PREX2: variants seen among roughly 807,000 people sequenced by gnomAD.
The protein encoded by PREX2 is phosphatidylinositol-3,4,5-trisphosphate dependent Rac exchange factor 2.
In PREX2, 107 loss-of-function variants were observed where a neutral mutation model predicts 203.2. The observed-to-expected ratio is 0.53, with a 90% CI of 0.45 to 0.62. PREX2 has a LOEUF of 0.62. PREX2 is among the 20% of genes least tolerant of loss of function. The pLI, the probability that PREX2 is intolerant of heterozygous loss-of-function variation, is 0.00. For missense variants in PREX2, 1,777 were observed against 1,955.9 expected (o/e 0.91, Z 1.72); for synonymous variants, 672 against 663.6 (o/e 1.01, Z -0.19).
rs1413755435 is a variant in PREX2, at chr8:68,138,397, GT to G, written c.3985-13del. 1.5e-6 allele frequency: 2 copies of G among 1,353,764 alleles called. No homozygotes were observed. Among genetic ancestry groups the G allele is most frequent in the Admixed American group, 1.9e-5 (1 of 52,248 alleles). 83.9% of individuals were successfully genotyped at this position (1,353,764 alleles called of 1,614,324 possible). A position where few individuals can be genotyped will look rare whatever the true frequency, so the allele number is the denominator to read the frequency against. On this transcript the variant is annotated splice_polypyrimidine_tract_variant and intron_variant, in intron 32 of 39. Coordinates refer to ENST00000288368, the MANE Select transcript of PREX2 (RefSeq NM_024870.4). ...TTTATATCATCTTGTATTATATATTGTTTTTCTTTCTTTGTAGACAGATGAA... is the reference window on the plus strand; with the variant it reads ...TTTATATCATCTTGTATTATATATTGTTTTCTTTCTTTGTAGACAGATGAA...
intron 7 of PREX2, among the ~76,000 whole-genome samples, chr8:68,043,363 T>G (rs1444062756): frequency 6.6e-6 from 1 of 151,722 alleles, no homozygotes. Flanking sequence ...TGGATGAGGC[T>G]TGAGGACAGC....
intron 6 of PREX2, among the ~76,000 whole-genome samples, chr8:68,031,555 T>C (rs1286995372): frequency 6.6e-6 from 1 of 152,216 alleles, no homozygotes; most frequent in Non-Finnish European, 1.5e-5. Context: ...CACCCAGATA[T>C]GCAAAGAAAC....
rs762897455 is a variant in PREX2 at position 68,109,519 on chromosome 8, G to T, written c.3042G>T (p.Leu1014=). The change falls in exon 25 of 40, where the codon CTG becomes CTT. Residue 1014 remains leucine, a synonymous_variant. Coordinates refer to ENST00000288368, the MANE Select transcript of PREX2 (RefSeq NM_024870.4). ...GQQDGHGLRY[L]LKEEDLETQD... is the part of the protein sequence containing the mutation. ...AGGATGGCCATGGTCTCAGGTATCTGCTAAAAGAAGAAGACTTAGAAACCC... is the reference window on the plus strand; with the variant it reads ...AGGATGGCCATGGTCTCAGGTATCTTCTAAAAGAAGAAGACTTAGAAACCC... 9 of 1,614,008 alleles carry T rather than the reference G, an allele frequency of 5.6e-6. No homozygotes were observed. The East Asian group carries it at 6.7e-5, about 12-fold the overall frequency.
chr8:68,165,173 T>C (rs1811736877), intron 35 of PREX2, among the ~76,000 whole-genome samples: 1 of 152,104 alleles, frequency 6.6e-6, no homozygotes, highest in South Asian at 2.1e-4. Flanking sequence ...CTGCCTCAGC[T>C]CATTCCCTGG....
At chr8:68,023,473 G>T (rs1014354827) in intron 4 of PREX2, among the ~76,000 whole-genome samples, 1 of 152,062 alleles carries the variant, frequency 6.6e-6, no homozygotes, top group African/African-American at 2.4e-5. Context: ...AAATTGGGAT[G>T]TTTATTGTAT....
intron 1 of PREX2, among the ~76,000 whole-genome samples, chr8:67,976,507 GACAGAC>G (rs1563479951): frequency 1.1e-5 from 1 of 89,668 alleles, no homozygotes; most frequent in Non-Finnish European, 2.5e-5. Context: ...CAGAGAGAGG[GACAGAC>G]AGAGACAGAG....
At chr8:68,083,006 G>A in intron 17 of PREX2, 1 of 374,564 alleles carries the variant, frequency 2.7e-6, no homozygotes, top group South Asian at 6.9e-5. Flanking sequence ...AAGTCAGGGA[G>A]GGAAATGGGG....
chr8:68,084,157 A>C (rs907075738), intron 18 of PREX2, among the ~76,000 whole-genome samples: 1 of 152,160 alleles, frequency 6.6e-6, no homozygotes, highest in Admixed American at 6.6e-5. Flanking sequence ...TCAATGGTTT[A>C]GTATTTCCTT....
chr8:68,092,592 C>T (rs111442679), intron 20 of PREX2, among the ~76,000 whole-genome samples: 1 of 152,002 alleles, frequency 6.6e-6, no homozygotes, highest in Non-Finnish European at 1.5e-5. Context: ...TTAAGGAAAT[C>T]GCCCTTAAAA....
intron 34 of PREX2, among the ~76,000 whole-genome samples, chr8:68,148,767 CAGAT>C (rs571247826): frequency 2.9e-4 from 44 of 152,276 alleles, no homozygotes; most frequent in African/African-American, 9.1e-4. Context: ...GTTGAGGTCA[CAGAT>C]AGGTAAACAA....
In PREX2 at chr8:68,076,685, T is replaced by TCACACACACACACA. The variant is rs57701553; in HGVS notation, c.1570-685_1570-672dup. On this transcript the variant is annotated intron_variant, in intron 14 of 39. Coordinates refer to ENST00000288368, the MANE Select transcript of PREX2 (RefSeq NM_024870.4). ...GAACTGTAACAATACAACTCTAAGGTCACACACACACACACACACACACAC... is the reference window on the plus strand; with the variant it reads ...GAACTGTAACAATACAACTCTAAGGTCACACACACACACACACACACACACACACACACACACAC... 4.0e-3 allele frequency among the ~76,000 whole-genome samples: 574 copies of TCACACACACACACA among 143,772 alleles called. 3 individuals are homozygous for TCACACACACACACA. The highest frequency in any genetic ancestry group is 0.02 in the East Asian group (93 of 4,586). 94.3% of individuals were successfully genotyped at this position (143,772 alleles called of 152,430 possible). A position where few individuals can be genotyped will look rare whatever the true frequency, so the allele number is the denominator to read the frequency against.
intron 6 of PREX2, among the ~76,000 whole-genome samples, chr8:68,035,746 A>G (rs1049436076): frequency 2.0e-5 from 3 of 152,152 alleles, no homozygotes; most frequent in Non-Finnish European, 4.4e-5. Flanking sequence ...TCATGCCATG[A>G]TGGTAGATTA....
chr8:68,179,028 A>G (rs1026162731), intron 35 of PREX2, among the ~76,000 whole-genome samples: 6 of 152,202 alleles, frequency 3.9e-5, no homozygotes, highest in South Asian at 4.1e-4. Context: ...TTCAGTTTTT[A>G]TACACTTTTG....
intron 35 of PREX2, among the ~76,000 whole-genome samples, chr8:68,176,561 C>A (rs1458827006): frequency 6.6e-6 from 1 of 152,122 alleles, no homozygotes; most frequent in East Asian, 1.9e-4. Flanking sequence ...TATTTTCAAG[C>A]CTGTTTTCTA....
chr8:68,155,973 T>A (rs1297615208), intron 34 of PREX2, among the ~76,000 whole-genome samples: 1 of 152,218 alleles, frequency 6.6e-6, no homozygotes, highest in Non-Finnish European at 1.5e-5. Flanking sequence ...TTTATTACAT[T>A]AATATTTCTT....
intron 1 of PREX2, among the ~76,000 whole-genome samples, chr8:67,994,787 A>C (rs1400471443): frequency 6.6e-6 from 1 of 152,162 alleles, no homozygotes; most frequent in African/African-American, 2.4e-5. Flanking sequence ...AGGTCCAGGC[A>C]ATGAGTTAAC....
intron 11 of PREX2, among the ~76,000 whole-genome samples, chr8:68,066,997 T>C (rs1046492473): frequency 6.6e-6 from 1 of 152,100 alleles, no homozygotes; most frequent in African/African-American, 2.4e-5. Flanking sequence ...TCTTCCTCCA[T>C]TGTGTGTTCT....
chr8:68,231,323 C>A lies in PREX2; in HGVS notation c.4776-10C>A. 1.3e-6 allele frequency: 2 copies of A among 1,579,858 alleles called. No homozygotes were observed. The highest frequency in any genetic ancestry group is 1.7e-6 in the Non-Finnish European group (2 of 1,166,546). On this transcript the variant is annotated splice_polypyrimidine_tract_variant and intron_variant, in intron 39 of 39. Transcript: ENST00000288368. Reference sequence around the variant, plus strand: ...TAAGTCACTGTCAAACTTTACCATGCCTTTTCTAGGCTGTACAAGCTGTGC... The same window carrying A: ...TAAGTCACTGTCAAACTTTACCATGACTTTTCTAGGCTGTACAAGCTGTGC...
chr8:68,019,678 T>C lies in PREX2; in HGVS notation c.336+7T>C, dbSNP rs753071267. 10 of 1,595,498 alleles carry C rather than the reference T, an allele frequency of 6.3e-6. No homozygotes were observed. The South Asian group carries it at 8.1e-5, about 13-fold the overall frequency. ...AACCTGCTTTCTTCACTTTGTAGGATAAATTTCTTTTTATTTTAAAAGTTC... is the reference window on the plus strand; with the variant it reads ...AACCTGCTTTCTTCACTTTGTAGGACAAATTTCTTTTTATTTTAAAAGTTC... On this transcript the variant is annotated splice_region_variant and intron_variant, in intron 3 of 39. Coordinates refer to ENST00000288368, the MANE Select transcript of PREX2 (RefSeq NM_024870.4).
Sources: allele counts gnomAD v4.1 joint callset (sites outside exome capture counted in the v4.1 genomes callset), GRCh38; gene constraint gnomAD v4.1.1; transcripts MANE v1.5; gene names NCBI Gene and HGNC (gene_info 2026-07-23, HGNC 2026-07-21).